Variants in KIF26B observed in about 807,000 individuals in gnomAD.
The protein encoded by KIF26B is kinesin-like protein KIF26B.
KIF26B carries 63 observed loss-of-function variants against 151.2 expected under a neutral mutation model. That is an observed-to-expected ratio of 0.42 (90% CI 0.34 to 0.51). KIF26B has a LOEUF of 0.51. Among genes scored for constraint, KIF26B ranks in the 20% least tolerant of loss-of-function variants. The pLI is 0.07. For synonymous variants in KIF26B, 1,357 were observed against 1,262.1 expected, an observed-to-expected ratio of 1.08 and a Z score of -1.59; for missense variants, 2,813 against 2,913.6, an observed-to-expected ratio of 0.97 and a Z score of 0.79.
intron 1 of KIF26B, among the ~76,000 whole-genome samples, chr1:245,155,827 C>G (rs1668420124): frequency 6.6e-6 from 1 of 152,236 alleles, no homozygotes; most frequent in Non-Finnish European, 1.5e-5. Context: ...GCCGTGAGAG[C>G]CTCTCGTTTA....
intron 2 of KIF26B, among the ~76,000 whole-genome samples, chr1:245,176,557 G>A (rs1668812546): frequency 6.6e-6 from 1 of 152,090 alleles, no homozygotes; most frequent in Non-Finnish European, 1.5e-5. Context: ...AGGCCCTGAT[G>A]GGTGTTATAT....
intron 4 of KIF26B, among the ~76,000 whole-genome samples, chr1:245,462,053 T>G (rs1437130055): frequency 1.3e-5 from 2 of 152,004 alleles, no homozygotes; most frequent in African/African-American, 2.4e-5. Context: ...GGCCAGGAGT[T>G]TGAGGTTACA....
In KIF26B at chr1:245,677,481, T is replaced by C. The variant is rs1250520472; in HGVS notation, c.2259-6752T>C. ...TGCAGTACAAACAAAGTACTATCTA[T>C]CTGAAATTGAGCAGCAAGTACTTTA... On this transcript the variant is annotated intron_variant, in intron 10 of 14. Transcript: ENST00000407071. Among the ~76,000 whole-genome samples the C allele has an allele frequency of 7.9e-5, 12 of 152,354 alleles. No homozygotes were observed. The South Asian group carries it at 2.1e-3, about 26-fold the overall frequency.
chr1:245,362,411 G>T (rs536762134), intron 2 of KIF26B, among the ~76,000 whole-genome samples: 2 of 150,244 alleles, frequency 1.3e-5, no homozygotes, highest in African/African-American at 4.9e-5. Context: ...GGTTGTGGGC[G>T]CCTGTAGTCC....
chr1:245,355,612 AG>A (rs1558400615), intron 2 of KIF26B, among the ~76,000 whole-genome samples: 1 of 124,850 alleles, frequency 8.0e-6, no homozygotes, highest in Non-Finnish European at 1.5e-5. Flanking sequence ...AAAAAAAAAA[AG>A]AAGAAGAAGA....
intron 3 of KIF26B, among the ~76,000 whole-genome samples, chr1:245,387,622 G>T (rs1457311930): frequency 6.6e-6 from 1 of 152,094 alleles, no homozygotes; most frequent in South Asian, 2.1e-4. Flanking sequence ...GAGCCTGCAG[G>T]TCTAGACTGC....
chr1:245,648,632 C>CA (rs35377336), intron 10 of KIF26B, among the ~76,000 whole-genome samples: 41,554 of 140,092 alleles, frequency 0.3, 5,868 homozygotes, highest in Non-Finnish European at 0.31. Context: ...GACCCTGTCT[C>CA]AAAAAAAAAA....
intron 2 of KIF26B, among the ~76,000 whole-genome samples, chr1:245,356,273 A>G (rs1218668804): frequency 1.3e-5 from 2 of 152,162 alleles, no homozygotes; most frequent in African/African-American, 4.8e-5. Context: ...TTCCTAAGAA[A>G]GGCCAGGCAC....
At chr1:245,175,903 T>C (rs185390050) in intron 2 of KIF26B, among the ~76,000 whole-genome samples, 2,171 of 149,288 alleles carry the variant, frequency 0.015, 56 homozygotes, top group African/African-American at 0.05. Flanking sequence ...TCTCAAAACA[T>C]ATATATCTAT....
intron 4 of KIF26B, among the ~76,000 whole-genome samples, chr1:245,537,018 GC>G: frequency 6.6e-6 from 1 of 152,318 alleles, no homozygotes; most frequent in Middle Eastern, 3.4e-3. Context: ...GAACATAGAC[GC>G]CCACCTCTCA....
At chr1:245,423,651 T>C (rs80289652) in intron 4 of KIF26B, among the ~76,000 whole-genome samples, 2,420 of 152,108 alleles carry the variant, frequency 0.016, 63 homozygotes, top group African/African-American at 0.054. Context: ...GGTGACACAT[T>C]TGTTGTTGCT....
Position 245,375,558 on chromosome 1 carries a change from C to T in KIF26B, c.999+8191C>T, listed in dbSNP as rs749277265. Among the ~76,000 whole-genome samples the T allele has an allele frequency of 1.1e-4, 17 of 152,082 alleles. No homozygotes were observed. The highest frequency in any genetic ancestry group is 1.0e-4 in the Non-Finnish European group (7 of 68,020). On this transcript the variant is annotated intron_variant, in intron 3 of 14. Coordinates refer to ENST00000407071, the MANE Select transcript of KIF26B (RefSeq NM_018012.4). This position sits in a 1 kb window ranked among gnomAD's most constrained non-coding sequence, Gnocchi z 4.2. ...AGAAGGAACCTCTAGAAGCTGAGGA[C>T]GGCAAGGGTGTGATTCTCCCCTAGA... is the stretch of plus-strand genomic sequence containing the variant.
At chr1:245,610,588 C>T (rs536359449) in intron 8 of KIF26B, among the ~76,000 whole-genome samples, 173 of 152,304 alleles carry the variant, frequency 1.1e-3, no homozygotes, top group African/African-American at 3.8e-3. Context: ...CAGTAGGACT[C>T]GACCCACTGC....
rs1307697891 is a variant in KIF26B at position 245,494,857 on chromosome 1, CG to C, written c.1167-45908del. Among the ~76,000 whole-genome samples, 3 of 151,274 alleles carry C rather than the reference CG, an allele frequency of 2.0e-5. No homozygotes were observed. In the East Asian group the frequency reaches 5.8e-4, roughly 29 times the overall value. On this transcript the variant is annotated intron_variant, in intron 4 of 14. Transcript: ENST00000407071. ...GAGTCCAAGACCAGCCTAGGCAACA[CG>C]GTGAAACTCTGTCTCTATAAAAAAT...
rs1771492 is a variant in KIF26B at position 245,564,781 on chromosome 1, C to T, written c.1350+23831C>T. ...GGGTGGTGGTGGGGGATGATGATTT[C>T]AGGAAGATTCCAGTGCATTCCATTT... On this transcript the variant is annotated intron_variant, in intron 5 of 14. Transcript: ENST00000407071. The surrounding 1 kb of genome is among the most constrained non-coding windows in gnomAD (Gnocchi z 4.6). Among the ~76,000 whole-genome samples the T allele has an allele frequency of 0.48, 72,525 of 151,516 alleles. 19,664 individuals carry two copies. The highest frequency in any genetic ancestry group is 0.76 in the African/African-American group (31,176 of 41,226).
At chr1:245,303,604 G>T (rs896736054) in intron 2 of KIF26B, among the ~76,000 whole-genome samples, 7 of 152,146 alleles carry the variant, frequency 4.6e-5, no homozygotes, top group Non-Finnish European at 4.4e-5. Flanking sequence ...TTTGTTAATT[G>T]TTTGCATCTG....
At chr1:245,373,469 T>G (rs540830219) in intron 3 of KIF26B, among the ~76,000 whole-genome samples, 1 of 152,370 alleles carries the variant, frequency 6.6e-6, no homozygotes, top group South Asian at 2.1e-4. Flanking sequence ...CTTTATTTCA[T>G]AGGATTTCAC....
At chr1:245,355,257 G>A (rs116358060) in intron 2 of KIF26B, among the ~76,000 whole-genome samples, 2,774 of 152,218 alleles carry the variant, frequency 0.018, 99 homozygotes, top group African/African-American at 0.062. Context: ...GGGATGCGGG[G>A]TGCTGCTCTG....
intron 2 of KIF26B, among the ~76,000 whole-genome samples, chr1:245,224,006 CG>C (rs1669825105): frequency 6.6e-6 from 1 of 152,234 alleles, no homozygotes; most frequent in East Asian, 1.9e-4. Flanking sequence ...GTATGATGGC[CG>C]GGTGCAGTGG....
Sources: gnomAD v4.1 joint callset for allele counts (sites outside exome capture counted in the v4.1 genomes callset) on GRCh38, gnomAD v4.1.1 for gene constraint, Gnocchi (gnomAD v3.1) non-coding constraint, MANE v1.5 for transcripts, NCBI Gene and HGNC (gene_info 2026-07-23, HGNC 2026-07-21) for gene names.